Variants in SLC22A2 observed in about 807,000 individuals in gnomAD.
SLC22A2 encodes solute carrier family 22 member 2.
In SLC22A2, 46 loss-of-function variants were observed where a neutral mutation model predicts 60.5. The observed-to-expected ratio is 0.76, with a 90% CI of 0.60 to 0.97. The LOEUF (loss-of-function observed/expected upper bound fraction) is 0.97, where lower values mean the gene tolerates loss of function less well. SLC22A2 is among the 50% of genes least tolerant of loss of function. The pLI is 0.00. For synonymous variants in SLC22A2, 303 were observed against 267.0 expected (o/e 1.13, Z -1.31); for missense variants, 701 against 706.6 (o/e 0.99, Z 0.09).
rs1783168560 is a variant in SLC22A2 at position 160,250,636 on chromosome 6, G to A, written c.585C>T (p.Ala195=). The change falls in exon 3 of 11, where the codon GCC becomes GCT. Residue 195 remains alanine (A), a synonymous_variant. Transcript: ENST00000366953. ...ACATCCACGTATAGGTTGGGGAAAT[G>A]GCCATGAGAACTCCAGCTGCAGCAT... ...LINAAAGVLM[A]ISPTYTWMLI... is the part of the protein sequence containing the mutation. The A allele has an allele frequency of 6.2e-7, 1 of 1,614,040 alleles. No individual in the cohort carries two copies. The highest frequency in any genetic ancestry group is 8.5e-7 in the Non-Finnish European group (1 of 1,179,942).
chr6:160,229,717 C>G (rs1342259535), intron 9 of SLC22A2, among the ~76,000 whole-genome samples: 1 of 151,720 alleles, frequency 6.6e-6, no homozygotes, highest in Non-Finnish European at 1.5e-5. Context: ...TTATGGACAA[C>G]CTTCCACCTT....
intron 9 of SLC22A2, among the ~76,000 whole-genome samples, chr6:160,238,945 G>GACCT (rs1407019577): frequency 6.6e-6 from 1 of 152,090 alleles, no homozygotes; most frequent in African/African-American, 2.4e-5. Context: ...ATGGGGCTGA[G>GACCT]ACCTACTGGG....
intron 6 of SLC22A2, chr6:160,244,855 A>T (rs904681543): frequency 8.5e-5 from 13 of 152,246 alleles, no homozygotes; most frequent in African/African-American, 3.1e-4. Context: ...AAGCTCTGAG[A>T]GCAGCCTGTA....
intron 10 of SLC22A2, among the ~76,000 whole-genome samples, chr6:160,222,140 G>C (rs1019991327): frequency 6.6e-6 from 1 of 152,192 alleles, no homozygotes; most frequent in African/African-American, 2.4e-5. Context: ...AGGAAAACAG[G>C]CTTAAGAAGT....
chr6:160,232,595 G>T (rs1782842555), intron 9 of SLC22A2, among the ~76,000 whole-genome samples: 1 of 150,888 alleles, frequency 6.6e-6, no homozygotes, highest in African/African-American at 2.4e-5. Context: ...ATTTCTCAAA[G>T]CTGCTTTACT....
At chr6:160,220,997 T>G (rs1193690766) in intron 10 of SLC22A2, among the ~76,000 whole-genome samples, 2 of 152,188 alleles carry the variant, frequency 1.3e-5, no homozygotes, top group African/African-American at 4.8e-5. Context: ...GCATTCACCC[T>G]TCACAAGAGA....
Position 160,249,281 on chromosome 6 carries a change from A to G in SLC22A2, c.777T>C (p.Leu259=). The change falls in exon 4 of 11, where the codon CTT becomes CTC. Residue 259 remains leucine (L), a synonymous_variant. Coordinates refer to ENST00000366953, the MANE Select transcript of SLC22A2 (RefSeq NM_003058.4). The part of the protein sequence containing the change: ...LLVLAGVAYA[L]PHWRWLQFTV... ...TGAACTGCAACCACCTCCAGTGAGG[A>G]AGTGCGTAAGCCACCCCAGCTAGCA... is the stretch of plus-strand genomic sequence containing the variant. 1 of 1,613,260 alleles carries G rather than the reference A, an allele frequency of 6.2e-7. No individual in the cohort carries two copies. Among genetic ancestry groups the G allele is most frequent in the Non-Finnish European group, 8.5e-7 (1 of 1,179,336 alleles).
chr6:160,242,994 C>A (rs745870007), intron 7 of SLC22A2, among the ~76,000 whole-genome samples: 4 of 152,280 alleles, frequency 2.6e-5, no homozygotes, highest in Admixed American at 1.3e-4. Flanking sequence ...GCTGGGCCAA[C>A]TTTAGTCTAT....
intron 4 of SLC22A2, 119 bp downstream of exon 4, chr6:160,249,097 T>C (rs1783141057): frequency 1.7e-6 from 1 of 594,184 alleles, no homozygotes. Flanking sequence ...CTTTGTGAAA[T>C]GGGTCTGGAG....
chr6:160,241,251 A>C (rs1428114250), intron 9 of SLC22A2, among the ~76,000 whole-genome samples: 1 of 152,106 alleles, frequency 6.6e-6, no homozygotes, highest in Non-Finnish European at 1.5e-5. Context: ...TAATATTATG[A>C]ATACTGAACT....
rs1263073122 is a variant in SLC22A2, at chr6:160,245,540, C to G, written c.963G>C (p.Leu321=). ...GKSLPASLQR[L]RLEEETGKKL... is the part of the protein sequence containing the mutation. ...TCTTGCCAGTTTCCTCTTCAAGTCT[C>G]AGGCGCTAAGAAAAGGAATAGAAAG... is the stretch of plus-strand genomic sequence containing the variant. Residue 321 remains leucine (L), a synonymous_variant, in exon 6 of 11, where the codon CTG becomes CTC. Transcript: ENST00000366953. 7 of 1,606,802 alleles carry G rather than the reference C, an allele frequency of 4.4e-6. No individual in the cohort carries two copies. The highest frequency in any genetic ancestry group is 5.1e-6 in the Non-Finnish European group (6 of 1,174,876).
In SLC22A2 at chr6:160,242,321, T is replaced by C. The variant is rs937691946; in HGVS notation, c.1361A>G (p.Asn454Ser). Residue 454 changes from asparagine (N) to serine (S), a missense_variant, in exon 8 of 11, where the codon AAT becomes AGT. Transcript: ENST00000366953. ...TMAYEIVCLV[N>S]AELYPTFIRN... ...AATGAATGTGGGGTACAGCTCAGCATTGACCAGGCAGACTATCTCATAGGC... is the reference window on the plus strand; with the variant it reads ...AATGAATGTGGGGTACAGCTCAGCACTGACCAGGCAGACTATCTCATAGGC... 6.9e-6 allele frequency: 11 copies of C among 1,603,282 alleles called. No individual in the cohort carries two copies. The highest frequency in any genetic ancestry group is 9.4e-6 in the Non-Finnish European group (11 of 1,170,062).
At chr6:160,245,309 A>C (rs996303402) in intron 6 of SLC22A2, 130 bp downstream of exon 6, 1 of 538,892 alleles carries the variant, frequency 1.9e-6, no homozygotes, top group African/African-American at 1.9e-5. Flanking sequence ...AACCTACCAG[A>C]CACAACCCAC....
Position 160,217,333 on chromosome 6 carries a change from T to C in SLC22A2, c.*99A>G, listed in dbSNP as rs1782556486. On this transcript the variant is annotated 3_prime_UTR_variant, in exon 11 of 11. Transcript: ENST00000366953. ...GGTTGATAGGGCTCAGGGGTAAGTT[T>C]GGTTGAGTTGTATGGGCTTTGTGAT... is the stretch of plus-strand genomic sequence containing the variant. 2 of 714,030 alleles carry C rather than the reference T, an allele frequency of 2.8e-6. No homozygotes were observed. The highest frequency in any genetic ancestry group is 4.8e-6 in the Non-Finnish European group (2 of 418,342). 44.2% of individuals were successfully genotyped at this position (714,030 alleles called of 1,614,324 possible).
chr6:160,218,195 C>A, intron 10 of SLC22A2: 2 of 251,214 alleles, frequency 8.0e-6, no homozygotes, highest in Non-Finnish European at 1.6e-5. Flanking sequence ...ATGGCAGAAG[C>A]TTACCCAAAT....
chr6:160,241,357 G>T, intron 9 of SLC22A2, 117 bp downstream of exon 9: 1 of 649,030 alleles, frequency 1.5e-6, no homozygotes. Context: ...TTACTACTAT[G>T]AGTAGTAATT....
At position 160,231,738 on chromosome 6, in the gene SLC22A2, A is replaced by G. The variant is rs527838033; in HGVS notation, c.1502-6934T>C. 1.2e-3 allele frequency among the ~76,000 whole-genome samples: 187 copies of G among 151,904 alleles called. 2 individuals are homozygous for G. The highest frequency in any genetic ancestry group is 4.4e-3 in the African/African-American group (181 of 41,252). On this transcript the variant is annotated intron_variant, in intron 9 of 10. Transcript: ENST00000366953. The stretch of plus-strand genomic sequence containing the variant: ...CCTCCACAACCCATTATTCTGTTCT[A>G]GATAAACCTAGCTGACCCCATAAAT...
rs537689255 is a variant in SLC22A2 at position 160,257,505 on chromosome 6, T to C, written c.415-788A>G. On this transcript the variant is annotated intron_variant, in intron 1 of 10. Coordinates refer to ENST00000366953, the MANE Select transcript of SLC22A2 (RefSeq NM_003058.4). ...CTGTAGGAAGCAATGAGATTGGCCA[T>C]GTGAGAGAGCCTCGGAGAGTTTGTG... 1.6e-4 allele frequency among the ~76,000 whole-genome samples: 25 copies of C among 152,240 alleles called. No homozygotes were observed. The East Asian group carries it at 4.5e-3, about 27-fold the overall frequency.
intron 9 of SLC22A2, among the ~76,000 whole-genome samples, chr6:160,235,567 T>C (rs989303290): frequency 1.1e-4 from 3 of 27,226 alleles, no homozygotes; most frequent in Non-Finnish European, 2.6e-4. Context: ...TGTGGAGGAT[T>C]TGTGAAAAAT....
Sources: gnomAD v4.1 joint callset for allele counts (sites outside exome capture counted in the v4.1 genomes callset) on GRCh38, gnomAD v4.1.1 for gene constraint, MANE v1.5 for transcripts, NCBI Gene and HGNC (gene_info 2026-07-23, HGNC 2026-07-21) for gene names.